GLIS3: variants seen among roughly 807,000 people sequenced by gnomAD.
The protein encoded by GLIS3 is GLIS family zinc finger 3, also known as zinc finger protein GLIS3.
In GLIS3, 53 loss-of-function variants were observed where a neutral mutation model predicts 78.6. The ratio of observed to expected loss-of-function variants is 0.67; its 90% confidence interval spans 0.54 to 0.85. The LOEUF is 0.85. Ranked by LOEUF, GLIS3 falls within the 40% of genes least tolerant of loss-of-function variation. The probability of loss-of-function intolerance (pLI) is 0.00; values close to 1 mark genes in which losing one functional copy is unlikely to be tolerated. For missense variants in GLIS3, 1,703 were observed against 1,231.1 expected (o/e 1.38, Z -5.74); for synonymous variants, 684 against 509.9 (o/e 1.34, Z -4.60).
At chr9:4,347,267 G>T (rs939407327) in intron 1 of GLIS3, 1 of 152,158 alleles carries the variant, frequency 6.6e-6, no homozygotes, top group East Asian at 1.9e-4. Context: ...AACTAATAGA[G>T]CAAGAACTCA....
intron 4 of GLIS3, among the ~76,000 whole-genome samples, chr9:4,097,718 T>C (rs764231611): frequency 2.0e-5 from 3 of 152,176 alleles, no homozygotes; most frequent in African/African-American, 4.8e-5. Flanking sequence ...AATTGCTCAA[T>C]ATGAAAAACA....
At chr9:4,363,360 T>C in the GLIS3 span, among the ~76,000 whole-genome samples, 1 of 152,066 alleles carries the variant, frequency 6.6e-6, no homozygotes, top group Admixed American at 6.6e-5. Flanking sequence ...GAGGCAGAGG[T>C]TGCAGTGAGC....
At chr9:4,112,539 T>A (rs1377199189) in intron 4 of GLIS3, among the ~76,000 whole-genome samples, 1 of 152,162 alleles carries the variant, frequency 6.6e-6, no homozygotes, top group Non-Finnish European at 1.5e-5. Context: ...GCCAATTACA[T>A]CACAAATTTT....
intron 4 of GLIS3, among the ~76,000 whole-genome samples, chr9:4,007,479 G>A (rs140357773): frequency 2.0e-4 from 30 of 152,184 alleles, no homozygotes; most frequent in Non-Finnish European, 4.1e-4. Flanking sequence ...ACAGGGAAGA[G>A]ATGTATCAAT....
intron 6 of GLIS3, among the ~76,000 whole-genome samples, chr9:3,914,575 C>A (rs1456680764): frequency 6.6e-6 from 1 of 152,150 alleles, no homozygotes; most frequent in East Asian, 1.9e-4. Context: ...AGCAATCCTT[C>A]CAATAGGAAA....
intron 8 of GLIS3, among the ~76,000 whole-genome samples, chr9:3,861,439 C>T (rs1370051922): frequency 6.6e-6 from 1 of 151,986 alleles, no homozygotes; most frequent in Non-Finnish European, 1.5e-5. Flanking sequence ...GTATATAATT[C>T]CATTATATAC....
intron 7 of GLIS3, among the ~76,000 whole-genome samples, chr9:3,895,573 G>T (rs1588169997): frequency 6.6e-6 from 1 of 152,324 alleles, no homozygotes; most frequent in African/African-American, 2.4e-5. Flanking sequence ...AGAAATAAAA[G>T]TATTTTCAGG....
At chr9:3,872,779 G>A (rs776422923) in intron 8 of GLIS3, among the ~76,000 whole-genome samples, 1 of 152,124 alleles carries the variant, frequency 6.6e-6, no homozygotes, top group African/African-American at 2.4e-5. Flanking sequence ...AGCAAAAGCA[G>A]TGCTAAAAGG....
At chr9:3,879,325 A>C (rs1821562075) in intron 8 of GLIS3, 102 bp downstream of exon 8, 1 of 1,156,372 alleles carries the variant, frequency 8.6e-7, no homozygotes, top group Non-Finnish European at 1.3e-6. Context: ...AACTCAACCC[A>C]CCAACGGATT....
chr9:4,313,572 G>A (rs1047843624), intron 2 of GLIS3, among the ~76,000 whole-genome samples: 3 of 152,274 alleles, frequency 2.0e-5, no homozygotes, highest in East Asian at 1.9e-4. Flanking sequence ...AATGGTCCTG[G>A]ATGTGACTCC....
In GLIS3 at chr9:4,336,359, T is replaced by TGCTC. The variant is rs574492028; in HGVS notation, n.264+10718_264+10721dup. ...GTGCTGCTGTAACTAGCATTAAAGT[T>TGCTC]GCTCCACAGGGCCAAAGCCACCAGG... On this transcript the variant is annotated intron_variant and non_coding_transcript_variant, in intron 2 of 4. Transcript: ENST00000471664. 1.1e-4 allele frequency among the ~76,000 whole-genome samples: 16 copies of TGCTC among 152,278 alleles called. No homozygotes were observed. In the East Asian group the frequency reaches 2.9e-3, roughly 28 times the overall value.
chr9:4,033,876 A>C (rs1248936637), intron 4 of GLIS3, among the ~76,000 whole-genome samples: 3 of 150,336 alleles, frequency 2.0e-5, no homozygotes, highest in African/African-American at 7.3e-5. Context: ...AAAAAAAAAA[A>C]AAAAAAAAAA....
chr9:4,007,090 C>A (rs1821607541), intron 4 of GLIS3, among the ~76,000 whole-genome samples: 1 of 152,192 alleles, frequency 6.6e-6, no homozygotes, highest in African/African-American at 2.4e-5. Flanking sequence ...GAATTCAACT[C>A]ATCTTTCTAG....
chr9:4,408,706 A>C, the GLIS3 span, among the ~76,000 whole-genome samples: 5 of 111,166 alleles, frequency 4.5e-5, no homozygotes, highest in South Asian at 3.1e-4. Flanking sequence ...CAGCCTGGGC[A>C]ACAGAGCCAG....
intron 4 of GLIS3, among the ~76,000 whole-genome samples, chr9:4,094,321 G>A (rs564275): frequency 0.58 from 88,005 of 152,066 alleles, 25,562 homozygotes; most frequent in Middle Eastern, 0.64. Flanking sequence ...ATGCTCATAT[G>A]TGGCTAGTGA....
At chr9:4,207,955 T>C (rs756363688) in intron 2 of GLIS3, among the ~76,000 whole-genome samples, 3 of 152,222 alleles carry the variant, frequency 2.0e-5, no homozygotes, top group Non-Finnish European at 4.4e-5. Flanking sequence ...TATATGTCCC[T>C]GGAACCACGT....
rs201009381 is a variant in GLIS3 at position 4,190,919 on chromosome 9, C to T, written c.389-64978G>A. The stretch of plus-strand genomic sequence containing the variant: ...AAAGAATTTTCAACCCAGAATTTCA[C>T]ATCCAGCCAAACTAAGCTTCATAAG... On this transcript the variant is annotated intron_variant, in intron 2 of 10. Transcript: ENST00000381971. Among the ~76,000 whole-genome samples, 434 of 152,152 alleles carry T rather than the reference C, an allele frequency of 2.9e-3. 2 individuals are homozygous for T. Among genetic ancestry groups the T allele is most frequent in the African/African-American group, 0.01 (424 of 41,484 alleles).
In GLIS3 at chr9:3,977,882, C is replaced by G. The variant is rs1352103462; in HGVS notation, c.1711-40693G>C. Among the ~76,000 whole-genome samples, 3 of 152,230 alleles carry G rather than the reference C, an allele frequency of 2.0e-5. No individual in the cohort carries two copies. In the East Asian group the frequency reaches 5.8e-4, roughly 29 times the overall value. Reference sequence around the variant, plus strand: ...CAGCTGGTGAGGAGGTCTAATTTCACACCACGCAGCAATGAAATGCTGCTA... The same window carrying G: ...CAGCTGGTGAGGAGGTCTAATTTCAGACCACGCAGCAATGAAATGCTGCTA... On this transcript the variant is annotated intron_variant, in intron 4 of 10. Transcript: ENST00000381971. The surrounding 1 kb of genome is among the most constrained non-coding windows in gnomAD (Gnocchi z 4.1).
At chr9:4,154,513 A>C (rs1834909668) in intron 2 of GLIS3, among the ~76,000 whole-genome samples, 1 of 152,260 alleles carries the variant, frequency 6.6e-6, no homozygotes, top group Non-Finnish European at 1.5e-5. Flanking sequence ...AAAGCACCAC[A>C]AACAAAATGA....
Sources: allele counts gnomAD v4.1 joint callset (sites outside exome capture counted in the v4.1 genomes callset), GRCh38; gene constraint gnomAD v4.1.1; non-coding constraint Gnocchi (gnomAD v3.1); transcripts MANE v1.5; gene names NCBI Gene and HGNC (gene_info 2026-07-23, HGNC 2026-07-21).